The following DLGAP2 variants were observed in gnomAD, a reference collection of about 807,000 sequenced individuals.
DLGAP2 encodes the protein disks large-associated protein 2.
A neutral mutation model predicts 100.3 loss-of-function variants in DLGAP2; 26 were observed. The ratio of observed to expected loss-of-function variants is 0.26; its 90% CI spans 0.19 to 0.36. DLGAP2 has a LOEUF of 0.36. Ranked by LOEUF, DLGAP2 falls within the 10% of genes least tolerant of loss-of-function variation. The probability of loss-of-function intolerance (pLI) is 1.00; values close to 1 mark genes in which losing one functional copy is unlikely to be tolerated. For missense variants in DLGAP2, 1,858 were observed against 1,453.2 expected, an observed-to-expected ratio of 1.28 and a Z score of -4.53; for synonymous variants, 886 against 630.1, an observed-to-expected ratio of 1.41 and a Z score of -6.08.
intron 2 of DLGAP2, among the ~76,000 whole-genome samples, chr8:911,941 C>T (rs1253649012): frequency 6.6e-6 from 1 of 152,186 alleles, no homozygotes; most frequent in Non-Finnish European, 1.5e-5. Flanking sequence ...TTATTAATGA[C>T]CTTCACTTCA....
At chr8:802,009 A>G (rs4735935) in intron 1 of DLGAP2, among the ~76,000 whole-genome samples, 13,662 of 71,252 alleles carry the variant, frequency 0.19, 2,492 homozygotes, top group Admixed American at 0.36. Flanking sequence ...AGCCTGAGGA[A>G]CAGTCCGCAC....
intron 2 of DLGAP2, among the ~76,000 whole-genome samples, chr8:1,218,839 C>T (rs1798262386): frequency 6.6e-6 from 1 of 152,120 alleles, no homozygotes; most frequent in African/African-American, 2.4e-5. Flanking sequence ...AGAGATCTTT[C>T]ACCACCTGGT....
chr8:1,012,772 C>T (rs1335059869), intron 2 of DLGAP2, among the ~76,000 whole-genome samples: 2 of 146,812 alleles, frequency 1.4e-5, no homozygotes, highest in South Asian at 2.3e-4. Context: ...CTCCGACCAG[C>T]CCCCCACTTC....
chr8:856,653 TAAGTAA>T (rs1428088575), intron 1 of DLGAP2, among the ~76,000 whole-genome samples: 2 of 152,162 alleles, frequency 1.3e-5, no homozygotes, highest in African/African-American at 4.8e-5. Flanking sequence ...GTAAAATGCT[TAAGTAA>T]AAGTTGAACA....
chr8:1,366,122 A>C (rs1802102678), intron 3 of DLGAP2, among the ~76,000 whole-genome samples: 1 of 152,236 alleles, frequency 6.6e-6, no homozygotes, highest in Non-Finnish European at 1.5e-5. Flanking sequence ...GGATTCATCA[A>C]GTTTTTACAA....
At chr8:1,092,507 A>G (rs1804218912) in intron 2 of DLGAP2, among the ~76,000 whole-genome samples, 1 of 152,096 alleles carries the variant, frequency 6.6e-6, no homozygotes, top group African/African-American at 2.4e-5. Context: ...AGGGAGCATG[A>G]GGGCCCTGGG....
chr8:1,070,507 C>G (rs1314973429), intron 2 of DLGAP2, among the ~76,000 whole-genome samples: 1 of 152,216 alleles, frequency 6.6e-6, no homozygotes, highest in Non-Finnish European at 1.5e-5. Flanking sequence ...AAAGTCAAAT[C>G]CGTGTCCTTA....
intron 2 of DLGAP2, among the ~76,000 whole-genome samples, chr8:973,856 G>A (rs1318590688): frequency 7.9e-4 from 10 of 12,722 alleles, no homozygotes; most frequent in African/African-American, 3.5e-3. Context: ...GGCGGTGGCG[G>A]CTGCGACCAC....
At chr8:1,190,914 C>G (rs1290934835) in intron 2 of DLGAP2, among the ~76,000 whole-genome samples, 2 of 152,110 alleles carry the variant, frequency 1.3e-5, no homozygotes, top group Admixed American at 6.5e-5. Flanking sequence ...ATGCACCATG[C>G]TTCTCCTATG....
At chr8:1,317,506 G>C (rs1260699944) in intron 3 of DLGAP2, among the ~76,000 whole-genome samples, 2 of 137,442 alleles carry the variant, frequency 1.5e-5, no homozygotes, top group Admixed American at 7.1e-5. Flanking sequence ...CGAGACACTT[G>C]GCAGCGTTTA....
chr8:1,540,054 C>T (rs566941860), intron 4 of DLGAP2, among the ~76,000 whole-genome samples: 56 of 152,322 alleles, frequency 3.7e-4, no homozygotes, highest in Non-Finnish European at 6.5e-4. Context: ...TGCCTGCTCT[C>T]CCTGTGGTCC....
chr8:1,242,512 C>T (rs1344535017), intron 2 of DLGAP2, among the ~76,000 whole-genome samples: 1 of 152,232 alleles, frequency 6.6e-6, no homozygotes, highest in Non-Finnish European at 1.5e-5. Flanking sequence ...CAACCCCGCC[C>T]ACTTCCTCTT....
chr8:886,631 C>G (rs1187470490), intron 1 of DLGAP2, among the ~76,000 whole-genome samples: 1 of 152,182 alleles, frequency 6.6e-6, no homozygotes, highest in East Asian at 1.9e-4. Flanking sequence ...ATTATTTACC[C>G]AGGAGTCATT....
chr8:1,420,622 A>G (rs1797064341), intron 3 of DLGAP2, among the ~76,000 whole-genome samples: 1 of 152,184 alleles, frequency 6.6e-6, no homozygotes, highest in Non-Finnish European at 1.5e-5. Context: ...CTGTGGGTCA[A>G]GGTTTCACAC....
Position 1,467,472 on chromosome 8 carries a change from C to A in DLGAP2, c.107-33894C>A, listed in dbSNP as rs116055524. ...CACCAAGAGGCCCCCTCACTAGACC[C>A]GTTGAAGGCAGGGACTCCGTGACCT... On this transcript the variant is annotated intron_variant, in intron 3 of 14. Transcript: ENST00000637795. Among the ~76,000 whole-genome samples the A allele has an allele frequency of 9.8e-3, 1,486 of 151,972 alleles. 22 individuals carry two copies. Among genetic ancestry groups the A allele is most frequent in the African/African-American group, 0.035 (1,433 of 41,442 alleles).
chr8:1,164,697 C>T (rs1334336891), intron 2 of DLGAP2, among the ~76,000 whole-genome samples: 1 of 152,174 alleles, frequency 6.6e-6, no homozygotes, highest in African/African-American at 2.4e-5. Context: ...TCTCCATCGT[C>T]AGTTCTGTGA....
intron 6 of DLGAP2, among the ~76,000 whole-genome samples, chr8:1,604,224 G>A (rs936785642): frequency 6.6e-6 from 1 of 152,188 alleles, no homozygotes; most frequent in African/African-American, 2.4e-5. Flanking sequence ...AAGGGACCTT[G>A]CTATAAATGC....
rs192481919 is a variant in DLGAP2 at position 1,663,390 on chromosome 8, G to A, written c.1811-4939G>A. Reference sequence around the variant, plus strand: ...TGTTTGGGGACCCGGTGGTGACAGCGCCCTTACTGTGCACCCGTCTTCGCC... The same window carrying A: ...TGTTTGGGGACCCGGTGGTGACAGCACCCTTACTGTGCACCCGTCTTCGCC... On this transcript the variant is annotated intron_variant, in intron 8 of 14. Transcript: ENST00000637795. Among the ~76,000 whole-genome samples, 400 of 152,138 alleles carry A rather than the reference G, an allele frequency of 2.6e-3. 5 individuals carry two copies. The highest frequency in any genetic ancestry group is 0.02 in the South Asian group (95 of 4,810).
intron 2 of DLGAP2, among the ~76,000 whole-genome samples, chr8:1,244,330 C>G (rs1798861325): frequency 6.6e-6 from 1 of 152,192 alleles, no homozygotes; most frequent in African/African-American, 2.4e-5. Context: ...ACCATTTTTT[C>G]TCAAAAGCAT....
Sources: allele counts gnomAD v4.1 joint callset (sites outside exome capture counted in the v4.1 genomes callset), GRCh38; gene constraint gnomAD v4.1.1; transcripts MANE v1.5; gene names NCBI Gene and HGNC (gene_info 2026-07-23, HGNC 2026-07-21).